The following CUL3 variants were observed in gnomAD, a reference collection of about 807,000 sequenced individuals.
CUL3 encodes the protein cullin 3.
Under a neutral mutation model 89.1 loss-of-function variants are expected in CUL3, and 19 were observed. That is an observed-to-expected ratio of 0.21 (90% confidence interval 0.15 to 0.31). The LOEUF is 0.31. CUL3 is among the 10% of genes least tolerant of loss of function. CUL3 has a pLI of 1.00. For synonymous variants in CUL3, 351 were observed against 308.4 expected, an observed-to-expected ratio of 1.14 and a Z score of -1.45; for missense variants, 469 against 942.3, an observed-to-expected ratio of 0.50 and a Z score of 6.58.
rs994049843 is a variant in CUL3 at position 224,474,132 on chromosome 2, T to C, written c.*113A>G. ...GGCTTGATCTCAATGGTCTAGAACA[T>C]GTACTGTAATTTAATAGAAGAGATG... On this transcript the variant is annotated 3_prime_UTR_variant, in exon 16 of 16. Transcript: ENST00000264414. 12 of 1,103,408 alleles carry C rather than the reference T, an allele frequency of 1.1e-5. No individual in the cohort carries two copies. In the African/African-American group the frequency reaches 1.3e-4, roughly 12 times the overall value. The allele number at this position is 1,103,408 out of a possible 1,614,324, so 68.4% of individuals were successfully genotyped here. A position where few individuals can be genotyped will look rare whatever the true frequency, so the allele number is the denominator to read the frequency against.
In CUL3 at chr2:224,473,183, T is replaced by C. The variant is rs939307487; in HGVS notation, c.*1062A>G. The C allele has an allele frequency of 2.0e-5, 4 of 197,714 alleles. No individual in the cohort carries two copies. Among genetic ancestry groups the C allele is most frequent in the Non-Finnish European group, 3.2e-5 (3 of 95,062 alleles). 12.2% of individuals were successfully genotyped at this position (197,714 alleles called of 1,614,324 possible). ...AAAACACAGCTGCAAGAATTGAAGA[T>C]TTCATTAAAACTATCAAGGTCATCA... On this transcript the variant is annotated 3_prime_UTR_variant, in exon 16 of 16. Coordinates refer to ENST00000264414, the MANE Select transcript of CUL3 (RefSeq NM_003590.5).
At chr2:224,476,248 C>T (rs533756863) in intron 15 of CUL3, among the ~76,000 whole-genome samples, 2 of 151,998 alleles carry the variant, frequency 1.3e-5, no homozygotes, top group African/African-American at 2.4e-5. Context: ...AACTCCTGAC[C>T]GCAGGTGATC....
At chr2:224,481,265 A>C (rs1183405474) in intron 14 of CUL3, among the ~76,000 whole-genome samples, 1 of 152,046 alleles carries the variant, frequency 6.6e-6, no homozygotes, top group African/African-American at 2.4e-5. Context: ...GCCAAGTAGT[A>C]AACAATTAGT....
intron 13 of CUL3, among the ~76,000 whole-genome samples, chr2:224,492,074 G>A (rs1429585487): frequency 6.6e-6 from 1 of 152,068 alleles, no homozygotes; most frequent in Admixed American, 6.6e-5. Context: ...ATAACCTTAA[G>A]CTTTCTTTCT....
At chr2:224,512,188 C>T (rs1354403773) in intron 5 of CUL3, among the ~76,000 whole-genome samples, 4 of 151,980 alleles carry the variant, frequency 2.6e-5, no homozygotes, top group South Asian at 2.1e-4. Context: ...CTCCACCTCC[C>T]GGGTCCACAC....
At chr2:224,524,033 G>C (rs989600982) in intron 3 of CUL3, among the ~76,000 whole-genome samples, 4 of 152,084 alleles carry the variant, frequency 2.6e-5, no homozygotes, top group Admixed American at 1.3e-4. Context: ...TAATAGCTCT[G>C]AACTGCACAC....
At chr2:224,512,147 G>C (rs561080191) in intron 5 of CUL3, among the ~76,000 whole-genome samples, 2 of 151,154 alleles carry the variant, frequency 1.3e-5, no homozygotes, top group East Asian at 3.9e-4. Context: ...CCAGGCTAGA[G>C]TGCAGTGGCG....
At chr2:224,512,671 A>T (rs1053211303) in intron 5 of CUL3, among the ~76,000 whole-genome samples, 1 of 152,272 alleles carries the variant, frequency 6.6e-6, no homozygotes, top group South Asian at 2.1e-4. Flanking sequence ...TTAATCAACA[A>T]CCTTTAGGCA....
At chr2:224,525,436 G>C (rs955651199) in intron 3 of CUL3, among the ~76,000 whole-genome samples, 3 of 152,132 alleles carry the variant, frequency 2.0e-5, no homozygotes, top group South Asian at 2.1e-4. Flanking sequence ...CAAAAATGGA[G>C]ATAACATTCA....
In CUL3 at chr2:224,511,266, A is replaced by G. The variant is rs188803950; in HGVS notation, c.883+88T>C. The G allele has an allele frequency of 1.2e-3, 1,090 of 915,346 alleles. 4 individuals carry two copies. The Middle Eastern group carries it at 0.012, about 10-fold the overall frequency. The allele number at this position is 915,346 out of a possible 1,614,324, so 56.7% of individuals were successfully genotyped here. A position where few individuals can be genotyped will look rare whatever the true frequency, so the allele number is the denominator to read the frequency against. On this transcript the variant is annotated intron_variant, in intron 6 of 15. Transcript: ENST00000264414. The stretch of plus-strand genomic sequence containing the variant: ...ACACACCAAAACTTCTTGAAAGCTG[A>G]TATTATCTGCTTTAATTGTAGGAAA...
At chr2:224,494,784 A>T (rs1423167174) in intron 13 of CUL3, among the ~76,000 whole-genome samples, 1 of 152,186 alleles carries the variant, frequency 6.6e-6, no homozygotes, top group Non-Finnish European at 1.5e-5. Flanking sequence ...AAAAGCTAAA[A>T]TTACGAACTA....
chr2:224,573,892 C>T (rs927548254), intron 1 of CUL3, among the ~76,000 whole-genome samples: 2 of 152,146 alleles, frequency 1.3e-5, no homozygotes, highest in East Asian at 3.8e-4. Flanking sequence ...AAACAGCCTA[C>T]CACAAGTCAG....
rs2106264605 is a variant in CUL3, at chr2:224,535,636, T to A, written c.270A>T (p.Arg90=). 6.2e-7 allele frequency: 1 copy of A among 1,607,892 alleles called. No individual in the cohort carries two copies. The highest frequency in any genetic ancestry group is 8.5e-7 in the Non-Finnish European group (1 of 1,174,424). The change falls in exon 3 of 16, where the codon CGA becomes CGT. Residue 90 remains arginine (R), a synonymous_variant. Coordinates refer to ENST00000264414, the MANE Select transcript of CUL3 (RefSeq NM_003590.5). Reference sequence around the variant, plus strand: ...TATTCAATGAATTTAGTACATCTTCTCGCACCTAGTAACAGAAGAGTTCAT... The same window carrying A: ...TATTCAATGAATTTAGTACATCTTCACGCACCTAGTAACAGAAGAGTTCAT... The part of the protein sequence containing the change: ...VVTEHLINKV[R]EDVLNSLNNN...
Position 224,507,020 on chromosome 2 carries a change from A to G in CUL3, c.884-17T>C. On this transcript the variant is annotated splice_polypyrimidine_tract_variant and intron_variant, in intron 6 of 15. Coordinates refer to ENST00000264414, the MANE Select transcript of CUL3 (RefSeq NM_003590.5). ...AACCAAGGTCTACAAATCAGAAAAC[A>G]CAAATTGGCTACATTAAAGATTAAA... The G allele has an allele frequency of 6.2e-7, 1 of 1,605,000 alleles. No homozygotes were observed. The highest frequency in any genetic ancestry group is 8.5e-7 in the Non-Finnish European group (1 of 1,176,724).
intron 13 of CUL3, 81 bp downstream of exon 13, chr2:224,495,751 G>A (rs180979885): frequency 8.3e-7 from 1 of 1,211,922 alleles, no homozygotes; most frequent in Non-Finnish European, 1.2e-6. Flanking sequence ...CTCTCTAAAG[G>A]TTATTCAAAT....
chr2:224,494,676 TG>T (rs1465695179), intron 13 of CUL3, among the ~76,000 whole-genome samples: 2 of 152,154 alleles, frequency 1.3e-5, no homozygotes, highest in South Asian at 2.1e-4. Context: ...CAAATGATGC[TG>T]GAACAAACAA....
At chr2:224,567,612 C>T (rs777431737) in intron 1 of CUL3, among the ~76,000 whole-genome samples, 14 of 151,780 alleles carry the variant, frequency 9.2e-5, no homozygotes, top group East Asian at 1.9e-4. Flanking sequence ...TGGTGGTGGG[C>T]GCCTGTCGTC....
At chr2:224,544,339 T>C (rs1264678671) in intron 2 of CUL3, among the ~76,000 whole-genome samples, 2 of 152,256 alleles carry the variant, frequency 1.3e-5, no homozygotes, top group Non-Finnish European at 2.9e-5. Flanking sequence ...TTCCAAAACA[T>C]GTTGCCTGTT....
Position 224,470,520 on chromosome 2 carries a change from T to C in CUL3, c.*3725A>G, listed in dbSNP as rs571981348. On this transcript the variant is annotated 3_prime_UTR_variant, in exon 16 of 16. Transcript: ENST00000264414. Reference sequence around the variant, plus strand: ...TATCTGCCATTCTTAACGTCTCTTCTTCCTTCTGGCTAATTTGACATAGGA... The same window carrying C: ...TATCTGCCATTCTTAACGTCTCTTCCTCCTTCTGGCTAATTTGACATAGGA... 27 of 231,664 alleles carry C rather than the reference T, an allele frequency of 1.2e-4. No individual in the cohort carries two copies. Among genetic ancestry groups the C allele is most frequent in the African/African-American group, 5.5e-4 (25 of 45,404 alleles). 14.4% of individuals were successfully genotyped at this position (231,664 alleles called of 1,614,324 possible). A position where few individuals can be genotyped will look rare whatever the true frequency, so the allele number is the denominator to read the frequency against.
Sources: allele counts gnomAD v4.1 joint callset (sites outside exome capture counted in the v4.1 genomes callset), GRCh38; gene constraint gnomAD v4.1.1; transcripts MANE v1.5; gene names NCBI Gene and HGNC (gene_info 2026-07-23, HGNC 2026-07-21).